Variants in RERE observed in about 807,000 individuals in gnomAD.
RERE encodes arginine-glutamic acid dipeptide repeats.
Under a neutral mutation model 146.1 loss-of-function variants are expected in RERE, and 40 were observed. The ratio of observed to expected loss-of-function variants is 0.27; its 90% CI spans 0.21 to 0.36. The LOEUF (loss-of-function observed/expected upper bound fraction) is 0.36. RERE is among the 10% of genes least tolerant of loss of function. The pLI is 1.00. For missense variants in RERE, 1,933 were observed against 2,138.7 expected (o/e 0.90, Z 1.90); for synonymous variants, 1,003 against 866.0 (o/e 1.16, Z -2.78).
intron 3 of RERE, 111 bp from the exon 4 acceptor site, chr1:8,614,797 CCT>C: frequency 8.6e-7 from 1 of 1,162,930 alleles, no homozygotes; most frequent in Middle Eastern, 3.1e-4. Context: ...TAGCAGATGA[CCT>C]CTGAAACCTC....
At chr1:8,685,644 G>T (rs913680014) in intron 1 of RERE, among the ~76,000 whole-genome samples, 1 of 152,146 alleles carries the variant, frequency 6.6e-6, no homozygotes, top group Non-Finnish European at 1.5e-5. Flanking sequence ...GTTTAGAATC[G>T]TTTTCAATGT....
At chr1:8,597,652 A>G (rs1467561861) in intron 4 of RERE, among the ~76,000 whole-genome samples, 1 of 152,256 alleles carries the variant, frequency 6.6e-6, no homozygotes, top group African/African-American at 2.4e-5. Flanking sequence ...TCTGCAGCAC[A>G]GGCTTTCCCA....
At chr1:8,626,761 T>C (rs536965948) in intron 2 of RERE, among the ~76,000 whole-genome samples, 5 of 152,326 alleles carry the variant, frequency 3.3e-5, no homozygotes, top group East Asian at 1.9e-4. Flanking sequence ...TGGTCTGTAA[T>C]AGACAGTGCT....
intron 1 of RERE, among the ~76,000 whole-genome samples, chr1:8,710,305 G>C (rs1639640719): frequency 1.3e-5 from 2 of 152,158 alleles, no homozygotes; most frequent in African/African-American, 4.8e-5. Flanking sequence ...TGAATATACT[G>C]TTGCAGTCTA....
chr1:8,545,976 C>G (rs1645854748), intron 6 of RERE, among the ~76,000 whole-genome samples: 1 of 124,360 alleles, frequency 8.0e-6, no homozygotes, highest in Non-Finnish European at 1.6e-5. Flanking sequence ...AGCTACCATA[C>G]CCAGTCTTTT....
intron 11 of RERE, among the ~76,000 whole-genome samples, chr1:8,441,118 C>T (rs1031020496): frequency 1.3e-5 from 2 of 151,918 alleles, no homozygotes; most frequent in Non-Finnish European, 2.9e-5. Context: ...ATATGCAGCC[C>T]GGTTTCCTGC....
intron 1 of RERE, among the ~76,000 whole-genome samples, chr1:8,754,386 A>G (rs1289844385): frequency 6.6e-6 from 1 of 152,206 alleles, no homozygotes; most frequent in Non-Finnish European, 1.5e-5. Flanking sequence ...CAGCATATGA[A>G]AGAAGGTTAA....
chr1:8,715,510 T>TTAA (rs927019321), intron 1 of RERE, among the ~76,000 whole-genome samples: 10 of 151,740 alleles, frequency 6.6e-5, no homozygotes, highest in East Asian at 5.9e-4. Context: ...AAACTCCGTC[T>TTAA]TAATAATAAT....
chr1:8,368,584 C>A (rs1226442805), intron 12 of RERE, among the ~76,000 whole-genome samples: 1 of 151,738 alleles, frequency 6.6e-6, no homozygotes, highest in East Asian at 1.9e-4. Flanking sequence ...GAAGGTGGTA[C>A]CTGAGCCTCT....
At position 8,358,507 on chromosome 1, in the gene RERE, G is replaced by C. The variant is rs758760118; in HGVS notation, c.4028C>G (p.Pro1343Arg). The C allele has an allele frequency of 6.3e-7, 1 of 1,592,142 alleles. No homozygotes were observed. The highest frequency in any genetic ancestry group is 8.5e-7 in the Non-Finnish European group (1 of 1,169,970). ...GCTGTGCCGGGCAAAGTGCTCCATG[G>C]GGTTGGCGGCTGGGTGCAGGGGGTC... ...ELDPLHPAANPMEHFARHSAL... is the reference protein window; with the variant it reads ...ELDPLHPAANRMEHFARHSAL... Residue 1343 changes from proline to arginine, a missense_variant, in exon 20 of 23, where the codon CCC (proline) becomes CGC (arginine). Physicochemically the swap from Pro to Arg is moderately radical, Grantham distance 103. Transcript: ENST00000400908.
chr1:8,714,339 C>T (rs188133978), intron 1 of RERE, among the ~76,000 whole-genome samples: 1 of 152,300 alleles, frequency 6.6e-6, no homozygotes, highest in East Asian at 1.9e-4. Flanking sequence ...AAGGCCCATA[C>T]TGGCTTTCAG....
At position 8,376,506 on chromosome 1, in the gene RERE, A is replaced by G. The variant is rs191035269; in HGVS notation, c.1285-10532T>C. 8.1e-4 allele frequency among the ~76,000 whole-genome samples: 123 copies of G among 152,298 alleles called. 1 individual carries two copies. Among genetic ancestry groups the G allele is most frequent in the Admixed American group, 4.2e-3 (65 of 15,308 alleles). ...GCTTCCTATACCAAGAACAACCTCT[A>G]TGACGACATGAGACAGACGCTGGGA... is the stretch of plus-strand genomic sequence containing the variant. On this transcript the variant is annotated intron_variant, in intron 12 of 22. Coordinates refer to ENST00000400908, the MANE Select transcript of RERE (RefSeq NM_001042681.2).
At chr1:8,810,024 G>C (rs1349691072) in intron 1 of RERE, among the ~76,000 whole-genome samples, 4 of 150,846 alleles carry the variant, frequency 2.7e-5, no homozygotes, top group African/African-American at 9.7e-5. Flanking sequence ...GTTGTTGTTT[G>C]AGACAGAGTC....
intron 1 of RERE, among the ~76,000 whole-genome samples, chr1:8,711,846 A>C (rs1639673315): frequency 6.6e-6 from 1 of 152,244 alleles, no homozygotes; most frequent in African/African-American, 2.4e-5. Context: ...AAAATAATGT[A>C]CACAAATTCA....
At chr1:8,374,499 C>T (rs913101996) in intron 12 of RERE, among the ~76,000 whole-genome samples, 58 of 152,170 alleles carry the variant, frequency 3.8e-4, no homozygotes, top group African/African-American at 1.3e-3. Flanking sequence ...GGTGGATGAA[C>T]TCAGCCATTT....
intron 11 of RERE, chr1:8,424,155 A>G (rs986043020): frequency 1.3e-5 from 2 of 152,030 alleles, no homozygotes; most frequent in Non-Finnish European, 2.9e-5. Context: ...CAGCTGCGAA[A>G]CGGGGGGCTG....
intron 8 of RERE, among the ~76,000 whole-genome samples, chr1:8,500,620 C>T (rs1645120572): frequency 6.6e-6 from 1 of 152,242 alleles, no homozygotes; most frequent in Admixed American, 6.5e-5. Flanking sequence ...GCAGCCTCTG[C>T]CCGGCCGCCA....
chr1:8,771,522 CAAAAAAAA>C (rs34012848), intron 1 of RERE, among the ~76,000 whole-genome samples: 1 of 128,002 alleles, frequency 7.8e-6, no homozygotes, highest in African/African-American at 2.8e-5. Flanking sequence ...AAACTTGTTT[CAAAAAAAA>C]AAAAAAAACT....
intron 8 of RERE, among the ~76,000 whole-genome samples, chr1:8,498,063 T>TA (rs1257137439): frequency 6.6e-6 from 1 of 152,274 alleles, no homozygotes; most frequent in East Asian, 1.9e-4. Context: ...AAGTAAACAT[T>TA]AAAAAATATA....
Sources: gnomAD v4.1 joint callset for allele counts (sites outside exome capture counted in the v4.1 genomes callset) on GRCh38, gnomAD v4.1.1 for gene constraint, MANE v1.5 for transcripts, NCBI Gene and HGNC (gene_info 2026-07-23, HGNC 2026-07-21) for gene names.